Variants in XRCC5 observed in about 807,000 individuals in gnomAD.
XRCC5 encodes X-ray repair cross complementing 5.
XRCC5 carries 12 observed loss-of-function variants against 95.7 expected under a neutral mutation model. The ratio of observed to expected loss-of-function variants is 0.13; its 90% CI spans 0.08 to 0.20. The LOEUF is 0.20. Ranked by LOEUF, XRCC5 falls within the 10% of genes least tolerant of loss-of-function variation. XRCC5 has a pLI of 1.00. For missense variants in XRCC5, 595 were observed against 873.9 expected (o/e 0.68, Z 4.02); for synonymous variants, 281 against 290.3 (o/e 0.97, Z 0.33).
At chr2:216,189,256 G>A (rs1484728605) in intron 16 of XRCC5, among the ~76,000 whole-genome samples, 3 of 152,194 alleles carry the variant, frequency 2.0e-5, no homozygotes, top group Non-Finnish European at 2.9e-5. Flanking sequence ...GGGGAAACAG[G>A]CAGTCATAGA....
intron 12 of XRCC5, among the ~76,000 whole-genome samples, 200 bp downstream of exon 12, chr2:216,138,379 CACCCA>C (rs758301273): frequency 4.6e-5 from 7 of 152,216 alleles, no homozygotes; most frequent in Non-Finnish European, 8.8e-5. Flanking sequence ...GCCTTAAACT[CACCCA>C]ACACTGTCTA....
chr2:216,122,350 C>G (rs1015773936), intron 6 of XRCC5, 97 bp downstream of exon 6: 70 of 1,146,772 alleles, frequency 6.1e-5, no homozygotes, highest in Non-Finnish European at 7.3e-5. Flanking sequence ...TTCTGGGCCA[C>G]TCTCTAATTA....
intron 13 of XRCC5, among the ~76,000 whole-genome samples, chr2:216,142,491 T>C (rs1256306990): frequency 6.6e-6 from 1 of 152,098 alleles, no homozygotes; most frequent in Non-Finnish European, 1.5e-5. Flanking sequence ...TGACTTATGC[T>C]GAGGAAGGGG....
At chr2:216,188,237 T>C (rs957945104) in intron 16 of XRCC5, among the ~76,000 whole-genome samples, 3 of 152,252 alleles carry the variant, frequency 2.0e-5, no homozygotes, top group Non-Finnish European at 4.4e-5. Flanking sequence ...TTTGTGAAGC[T>C]TTCTGTAATC....
chr2:216,183,341 T>C (rs1293534618), intron 16 of XRCC5, among the ~76,000 whole-genome samples: 1 of 152,138 alleles, frequency 6.6e-6, no homozygotes, highest in African/African-American at 2.4e-5. Context: ...AAAGGCACCA[T>C]TTAAAAAAGG....
intron 16 of XRCC5, among the ~76,000 whole-genome samples, chr2:216,184,563 G>T (rs1164222950): frequency 6.6e-6 from 1 of 152,164 alleles, no homozygotes; most frequent in Non-Finnish European, 1.5e-5. Flanking sequence ...TGCAACTTCT[G>T]CCTCCCAGGC....
intron 19 of XRCC5, among the ~76,000 whole-genome samples, chr2:216,201,685 T>C (rs935027443): frequency 6.6e-6 from 1 of 152,176 alleles, no homozygotes; most frequent in African/African-American, 2.4e-5. Context: ...AAAGAACACA[T>C]GAGAAAAGAT....
At chr2:216,130,483 C>T (rs1380108457) in intron 8 of XRCC5, among the ~76,000 whole-genome samples, 1 of 151,902 alleles carries the variant, frequency 6.6e-6, no homozygotes, top group Non-Finnish European at 1.5e-5. Flanking sequence ...CTCTGTGGGT[C>T]TCTAGGTTTC....
chr2:216,147,366 A>G (rs62178675), intron 13 of XRCC5, among the ~76,000 whole-genome samples: 13,037 of 152,142 alleles, frequency 0.086, 746 homozygotes, highest in South Asian at 0.21. Context: ...GCAGGGCTGC[A>G]TCATAGGACC....
intron 10 of XRCC5, among the ~76,000 whole-genome samples, chr2:216,135,999 A>G (rs1161679405): frequency 6.6e-6 from 1 of 152,160 alleles, no homozygotes; most frequent in Admixed American, 6.5e-5. Context: ...ATAACTGAAG[A>G]TGCCATGTCA....
intron 16 of XRCC5, among the ~76,000 whole-genome samples, chr2:216,165,144 C>T (rs1689031649): frequency 6.6e-6 from 1 of 152,206 alleles, no homozygotes; most frequent in Non-Finnish European, 1.5e-5. Flanking sequence ...CTTTCAAATA[C>T]TGGATTTTTT....
At chr2:216,150,271 G>C (rs1688718160) in intron 14 of XRCC5, among the ~76,000 whole-genome samples, 1 of 152,080 alleles carries the variant, frequency 6.6e-6, no homozygotes, top group Non-Finnish European at 1.5e-5. Flanking sequence ...AATCATTCCA[G>C]TTTTTTCACT....
intron 10 of XRCC5, among the ~76,000 whole-genome samples, chr2:216,133,370 T>C (rs2106010346): frequency 6.6e-6 from 1 of 152,350 alleles, no homozygotes; most frequent in East Asian, 1.9e-4. Flanking sequence ...AGAGACAAGA[T>C]CTCATATGTT....
intron 16 of XRCC5, among the ~76,000 whole-genome samples, chr2:216,185,202 T>C (rs886554038): frequency 1.2e-4 from 18 of 152,194 alleles, no homozygotes; most frequent in African/African-American, 4.3e-4. Context: ...CATTCTCAGT[T>C]GGCTTTAACA....
chr2:216,127,003 G>C (rs1696909954), intron 7 of XRCC5, among the ~76,000 whole-genome samples: 1 of 151,758 alleles, frequency 6.6e-6, no homozygotes, highest in Non-Finnish European at 1.5e-5. Context: ...TGTAATTCCA[G>C]CACTTTCAGA....
chr2:216,157,435 G>A (rs948391913), intron 14 of XRCC5, among the ~76,000 whole-genome samples: 2 of 152,068 alleles, frequency 1.3e-5, no homozygotes, highest in Non-Finnish European at 2.9e-5. Flanking sequence ...GGGTTTCACC[G>A]TGTTAGCCAG....
chr2:216,166,115 AT>A (rs1047821618), intron 16 of XRCC5, among the ~76,000 whole-genome samples: 1 of 151,786 alleles, frequency 6.6e-6, no homozygotes, highest in African/African-American at 2.4e-5. Context: ...ATAGAAAACA[AT>A]TTTTTTTCTC....
chr2:216,124,437 C>T (rs758660090), intron 6 of XRCC5, among the ~76,000 whole-genome samples: 11 of 152,060 alleles, frequency 7.2e-5, no homozygotes, highest in South Asian at 2.1e-4. Context: ...ATTGGATGCC[C>T]GTCTTTAGAA....
In XRCC5 at chr2:216,109,587, A is replaced by C. The variant is rs41296896; in HGVS notation, c.21+130A>C. ...AAGAGAAGATCATGGTGGTGGGCTC[A>C]GTCAGGAGGGCCGGGACCGAGGGAT... On this transcript the variant is annotated intron_variant, in intron 1 of 20. Transcript: ENST00000392132. The C allele has an allele frequency of 1.9e-3, 2,689 of 1,382,014 alleles. 40 individuals carry two copies. In the African/African-American group the frequency reaches 0.034, roughly 17 times the overall value. 85.6% of individuals were successfully genotyped at this position (1,382,014 alleles called of 1,614,324 possible).
Sources: gnomAD v4.1 joint callset for allele counts (sites outside exome capture counted in the v4.1 genomes callset) on GRCh38, gnomAD v4.1.1 for gene constraint, MANE v1.5 for transcripts, NCBI Gene and HGNC (gene_info 2026-07-23, HGNC 2026-07-21) for gene names.